The following AVP variants were observed in gnomAD, a reference collection of about 807,000 sequenced individuals.
AVP encodes the protein vasopressin-neurophysin 2-copeptin.
AVP carries 9 observed loss-of-function variants against 11.1 expected under a neutral mutation model. The observed-to-expected ratio is 0.81, with a 90% CI of 0.49 to 1.42. AVP has a LOEUF of 1.42. AVP is among the 40% of genes most tolerant of loss of function. AVP has a pLI of 0.00. For missense variants in AVP, 206 were observed against 238.5 expected, an observed-to-expected ratio of 0.86 and a Z score of 0.90; for synonymous variants, 106 against 111.3, an observed-to-expected ratio of 0.95 and a Z score of 0.30.
In AVP at chr20:3,082,631, C is replaced by T. The variant is rs2066115247; in HGVS notation, c.494G>A (p.Ter165=). The T allele has an allele frequency of 1.6e-6, 2 of 1,264,176 alleles. No homozygotes were observed. Among genetic ancestry groups the T allele is most frequent in the Non-Finnish European group, 2.0e-6 (2 of 1,008,112 alleles). 78.3% of individuals were successfully genotyped at this position (1,264,176 alleles called of 1,614,324 possible). A position where few individuals can be genotyped will look rare whatever the true frequency, so the allele number is the denominator to read the frequency against. The change falls in exon 3 of 3, where the codon TGA becomes TAA. Residue 165 remains the stop codon, a stop_retained_variant. Coordinates refer to ENST00000380293, the MANE Select transcript of AVP (RefSeq NM_000490.5). This position sits in a 1 kb window ranked among gnomAD's most constrained non-coding sequence, Gnocchi z 4.7. ...GCGCCGGTGGGGCGAGCGCGGGGCT[C>T]AGTAGGCGTCGGGCTGGGCGGGCTC... The part of the protein sequence containing the change: ...PFEPAQPDAY[*]
intron 1 of AVP, 115 bp downstream of exon 1, chr20:3,084,440 C>A: frequency 1.9e-6 from 3 of 1,566,848 alleles, no homozygotes; most frequent in Non-Finnish European, 2.6e-6. Context: ...CTTCCTCCCC[C>A]GAACTTCCCC....
Position 3,082,894 on chromosome 20 carries a change from C to CG in AVP, c.322+82_322+83insC. 1.1e-5 allele frequency: 11 copies of CG among 1,026,090 alleles called. No homozygotes were observed. Among genetic ancestry groups the CG allele is most frequent in the Non-Finnish European group, 1.4e-5 (11 of 805,484 alleles). The allele number at this position is 1,026,090 out of a possible 1,614,324, so 63.6% of individuals were successfully genotyped here. ...ACCCTCCCTGCCGGGCCCGACGCAG[C>CG]CCCCACCCCGCCGCAGGCCCGCGTC... is the stretch of plus-strand genomic sequence containing the variant. On this transcript the variant is annotated intron_variant, in intron 2 of 2. Transcript: ENST00000380293. This position sits in a 1 kb window ranked among gnomAD's most constrained non-coding sequence, Gnocchi z 4.7.
Position 3,082,962 on chromosome 20 carries a change from G to A in AVP, c.322+15C>T. ...CTGCGCCCCCCCCAGCCCCAGGCCC[G>A]CCCCCGCCGCGCACCGTCGTTGCAG... On this transcript the variant is annotated intron_variant, in intron 2 of 2. Transcript: ENST00000380293. The surrounding 1 kb of genome is among the most constrained non-coding windows in gnomAD (Gnocchi z 4.7). 1.6e-6 allele frequency: 1 copy of A among 620,460 alleles called. No homozygotes were observed. The highest frequency in any genetic ancestry group is 5.1e-5 in the Admixed American group (1 of 19,432). The allele number at this position is 620,460 out of a possible 1,614,324, so 38.4% of individuals were successfully genotyped here.
In AVP at chr20:3,082,772, T is replaced by G; in HGVS notation, c.353A>C (p.Glu118Ala). The change falls in exon 3 of 3, where the codon GAG (glutamate) becomes GCG (alanine). Residue 118 changes from glutamate (E) to alanine (A), a missense_variant. Glu to Ala is a moderately radical substitution (Grantham distance 107). Coordinates refer to ENST00000380293, the MANE Select transcript of AVP (RefSeq NM_000490.5). The surrounding 1 kb of genome is among the most constrained non-coding windows in gnomAD (Gnocchi z 4.7). ...GGCGCGGGCGCGGCGGTGAAAGCCC[T>G]CGCGGCACTCGGGCTCGGTCACGCA... is the stretch of plus-strand genomic sequence containing the variant. ...ESCVTEPECR[E>A]GFHRRARASD... 7.9e-7 allele frequency: 1 copy of G among 1,262,504 alleles called. No individual in the cohort carries two copies. Among genetic ancestry groups the G allele is most frequent in the Non-Finnish European group, 9.9e-7 (1 of 1,006,330 alleles). The allele number at this position is 1,262,504 out of a possible 1,614,324, so 78.2% of individuals were successfully genotyped here.
rs1392648926 is a variant in AVP, at chr20:3,083,693, C to T, written c.121-515G>A. ...TGCCCCTGGCCCCCGCCAAGCTTGT[C>T]GGCCTCAGCTGGAGCCCTGACCCCT... On this transcript the variant is annotated intron_variant, in intron 1 of 2. Transcript: ENST00000380293. The surrounding 1 kb of genome is among the most constrained non-coding windows in gnomAD (Gnocchi z 5.4). 1.3e-5 allele frequency among the ~76,000 whole-genome samples: 2 copies of T among 152,168 alleles called. No individual in the cohort carries two copies. Among genetic ancestry groups the T allele is most frequent in the African/African-American group, 4.8e-5 (2 of 41,446 alleles).
At position 3,084,684 on chromosome 20, in the gene AVP, C is replaced by T. The variant is rs756664789; in HGVS notation, c.-10G>A. 52 of 1,612,776 alleles carry T rather than the reference C, an allele frequency of 3.2e-5. 1 individual carries two copies. The highest frequency in any genetic ancestry group is 5.0e-5 in the Admixed American group (3 of 60,010). ...GCATGGTGTCAGGCATCCTGGTGCA[C>T]ACAGGTGGACCCCGTATGCAGCACT... On this transcript the variant is annotated 5_prime_UTR_variant, in exon 1 of 3. The change creates a new upstream start codon in the 5' untranslated region. Transcript: ENST00000380293.
In AVP at chr20:3,082,906, C is replaced by CCCCCGGG; in HGVS notation, c.322+70_322+71insCCCGGGG. ...GGGCCCGACGCAGCCCCCACCCCGC[C>CCCCCGGG]GCAGGCCCGCGTCCCCCCCACCCAA... On this transcript the variant is annotated intron_variant, in intron 2 of 2. Coordinates refer to ENST00000380293, the MANE Select transcript of AVP (RefSeq NM_000490.5). This position sits in a 1 kb window ranked among gnomAD's most constrained non-coding sequence, Gnocchi z 4.7. 1.4e-6 allele frequency: 1 copy of CCCCCGGG among 731,424 alleles called. No homozygotes were observed. The highest frequency in any genetic ancestry group is 1.8e-6 in the Non-Finnish European group (1 of 554,450). 45.3% of individuals were successfully genotyped at this position (731,424 alleles called of 1,614,324 possible).
Position 3,083,251 on chromosome 20 carries a change from C to T in AVP, c.121-73G>A. On this transcript the variant is annotated intron_variant, in intron 1 of 2. Transcript: ENST00000380293. This position sits in a 1 kb window ranked among gnomAD's most constrained non-coding sequence, Gnocchi z 5.4. The stretch of plus-strand genomic sequence containing the variant: ...GGGGTTGGAGGGGAACGCAGCGAGG[C>T]GGGGATGCTGGGGTCCAGGGCTCGG... 19 of 1,350,140 alleles carry T rather than the reference C, an allele frequency of 1.4e-5. No individual in the cohort carries two copies. Among genetic ancestry groups the T allele is most frequent in the Non-Finnish European group, 1.8e-5 (19 of 1,043,726 alleles). 83.6% of individuals were successfully genotyped at this position (1,350,140 alleles called of 1,614,324 possible). A position where few individuals can be genotyped will look rare whatever the true frequency, so the allele number is the denominator to read the frequency against.
At position 3,082,717 on chromosome 20, in the gene AVP, G is replaced by A. The variant is rs1380468503; in HGVS notation, c.408C>T (p.Asp136=). The A allele has an allele frequency of 2.3e-6, 3 of 1,291,770 alleles. No individual in the cohort carries two copies. The highest frequency in any genetic ancestry group is 2.0e-6 in the Non-Finnish European group (2 of 1,023,150). The allele number at this position is 1,291,770 out of a possible 1,614,324, so 80.0% of individuals were successfully genotyped here. A position where few individuals can be genotyped will look rare whatever the true frequency, so the allele number is the denominator to read the frequency against. ...ASDRSNATQL[D]GPAGALLLRL... ...GCAGCAGCAAGGCCCCGGCCGGCCCGTCCAGCTGCGTGGCGTTGCTCCGGT... is the reference window on the plus strand; with the variant it reads ...GCAGCAGCAAGGCCCCGGCCGGCCCATCCAGCTGCGTGGCGTTGCTCCGGT... Residue 136 remains aspartate, a synonymous_variant, in exon 3 of 3, where the codon GAC becomes GAT. Transcript: ENST00000380293. This position sits in a 1 kb window ranked among gnomAD's most constrained non-coding sequence, Gnocchi z 4.7.
rs1201283083 is a variant in AVP at position 3,082,977 on chromosome 20, C to T, written c.322G>A (p.Glu108Lys). The change falls in exon 2 of 3, where the codon GAG becomes AAG. Residue 108 changes from glutamate (E) to lysine (K), a missense_variant and splice_region_variant. This residue lies in a region of AVP where 106 missense variants were observed against 89.2 expected (regional missense o/e 1.19). Coordinates refer to ENST00000380293, the MANE Select transcript of AVP (RefSeq NM_000490.5). The surrounding 1 kb of genome is among the most constrained non-coding windows in gnomAD (Gnocchi z 4.7). ...CAAFGVCCND[E>K]SCVTEPECRE... ...CCCCAGGCCCGCCCCCGCCGCGCAC[C>T]GTCGTTGCAGCAAACGCCGAAGGCG... The T allele has an allele frequency of 6.7e-7, 1 of 1,484,996 alleles. No individual in the cohort carries two copies. The highest frequency in any genetic ancestry group is 8.9e-7 in the Non-Finnish European group (1 of 1,125,330). 92.0% of individuals were successfully genotyped at this position (1,484,996 alleles called of 1,614,324 possible). A position where few individuals can be genotyped will look rare whatever the true frequency, so the allele number is the denominator to read the frequency against.
Position 3,082,579 on chromosome 20 carries a change from C to A in AVP, c.*51G>T, listed in dbSNP as rs1176212115. 12 of 1,227,792 alleles carry A rather than the reference C, an allele frequency of 9.8e-6. No homozygotes were observed. The highest frequency in any genetic ancestry group is 1.1e-5 in the Non-Finnish European group (11 of 984,500). The allele number at this position is 1,227,792 out of a possible 1,614,324, so 76.1% of individuals were successfully genotyped here. ...CGTGCATTGGCGGAGGTTTATTGTC[C>A]GTGCTGCAGGGGCGGGCGCGAAGAG... is the stretch of plus-strand genomic sequence containing the variant. On this transcript the variant is annotated 3_prime_UTR_variant, in exon 3 of 3. Transcript: ENST00000380293. The surrounding 1 kb of genome is among the most constrained non-coding windows in gnomAD (Gnocchi z 4.7).
chr20:3,082,669 C>T lies in AVP; in HGVS notation c.456G>A (p.Ala152=), dbSNP rs1161409198. ...GCTGGGCGGGCTCGAAGGGCTCGGGCGCCCCGGCCAGCTGCACCAGCCGCA... is the reference window on the plus strand; with the variant it reads ...GCTGGGCGGGCTCGAAGGGCTCGGGTGCCCCGGCCAGCTGCACCAGCCGCA... ...LLLRLVQLAG[A]PEPFEPAQPD... is the part of the protein sequence containing the mutation. The change falls in exon 3 of 3, where the codon GCG becomes GCA. Residue 152 remains alanine, a synonymous_variant. Transcript: ENST00000380293. The surrounding 1 kb of genome is among the most constrained non-coding windows in gnomAD (Gnocchi z 4.7). 2 of 1,283,830 alleles carry T rather than the reference C, an allele frequency of 1.6e-6. No homozygotes were observed. The highest frequency in any genetic ancestry group is 2.6e-5 in the South Asian group (1 of 38,344). The allele number at this position is 1,283,830 out of a possible 1,614,324, so 79.5% of individuals were successfully genotyped here. A position where few individuals can be genotyped will look rare whatever the true frequency, so the allele number is the denominator to read the frequency against.
intron 1 of AVP, among the ~76,000 whole-genome samples, chr20:3,084,088 G>A (rs1021024695): frequency 6.6e-6 from 1 of 152,214 alleles, no homozygotes; most frequent in Non-Finnish European, 1.5e-5. Context: ...ACTCAAGCGC[G>A]CTCAGACCAG....
chr20:3,082,810 G>A lies in AVP; in HGVS notation c.323-8C>T. On this transcript the variant is annotated splice_region_variant and splice_polypyrimidine_tract_variant and intron_variant, in intron 2 of 2. Transcript: ENST00000380293. This position sits in a 1 kb window ranked among gnomAD's most constrained non-coding sequence, Gnocchi z 4.7. ...GCTCGGTCACGCAGCTCTCTGCCGG[G>A]AGGACGTGTGAGCACGGGCGCCCTG... 1 of 1,236,478 alleles carries A rather than the reference G, an allele frequency of 8.1e-7. No individual in the cohort carries two copies. Among genetic ancestry groups the A allele is most frequent in the Non-Finnish European group, 1.0e-6 (1 of 991,590 alleles). 76.6% of individuals were successfully genotyped at this position (1,236,478 alleles called of 1,614,324 possible). A position where few individuals can be genotyped will look rare whatever the true frequency, so the allele number is the denominator to read the frequency against.
chr20:3,082,980 C>G lies in AVP; in HGVS notation c.319G>C (p.Asp107His). 4.0e-6 allele frequency: 6 copies of G among 1,492,700 alleles called. No individual in the cohort carries two copies. Among genetic ancestry groups the G allele is most frequent in the East Asian group, 2.8e-5 (1 of 35,824 alleles). 92.5% of individuals were successfully genotyped at this position (1,492,700 alleles called of 1,614,324 possible). The change falls in exon 2 of 3, where the codon GAC becomes CAC. Residue 107 changes from aspartate to histidine, a missense_variant. This residue lies in a region of AVP where 106 missense variants were observed against 89.2 expected (regional missense o/e 1.19). Transcript: ENST00000380293. This position sits in a 1 kb window ranked among gnomAD's most constrained non-coding sequence, Gnocchi z 4.7. ...RCAAFGVCCN[D>H]ESCVTEPECR... ...CAGGCCCGCCCCCGCCGCGCACCGT[C>G]GTTGCAGCAAACGCCGAAGGCGGCG...
In AVP at chr20:3,084,698, G is replaced by A. The variant is rs758211093; in HGVS notation, c.-24C>T. 1.2e-6 allele frequency: 2 copies of A among 1,611,998 alleles called. No individual in the cohort carries two copies. The highest frequency in any genetic ancestry group is 8.5e-7 in the Non-Finnish European group (1 of 1,179,970). On this transcript the variant is annotated 5_prime_UTR_variant, in exon 1 of 3. In the 5' UTR this introduces an upstream ATG that the reference lacks. Transcript: ENST00000380293. ...ATCCTGGTGCACACAGGTGGACCCCGTATGCAGCACTGCTTGGTGGCTCTG... is the reference window on the plus strand; with the variant it reads ...ATCCTGGTGCACACAGGTGGACCCCATATGCAGCACTGCTTGGTGGCTCTG...
In AVP at chr20:3,083,229, G is replaced by C. The variant is rs573873232; in HGVS notation, c.121-51C>G. On this transcript the variant is annotated intron_variant, in intron 1 of 2. Coordinates refer to ENST00000380293, the MANE Select transcript of AVP (RefSeq NM_000490.5). This position sits in a 1 kb window ranked among gnomAD's most constrained non-coding sequence, Gnocchi z 5.4. ...GAGGAGGGGAGCCGGGAGTCGAGGG[G>C]TTGGAGGGGAACGCAGCGAGGCGGG... 1.4e-3 allele frequency: 1,966 copies of C among 1,407,962 alleles called. 2 individuals are homozygous for C. The highest frequency in any genetic ancestry group is 1.7e-3 in the Non-Finnish European group (1,823 of 1,079,116). The allele number at this position is 1,407,962 out of a possible 1,614,324, so 87.2% of individuals were successfully genotyped here.
At chr20:3,084,463 C>T in intron 1 of AVP, 92 bp downstream of exon 1, 1 of 1,599,136 alleles carries the variant, frequency 6.3e-7, no homozygotes, top group Non-Finnish European at 8.5e-7. Flanking sequence ...AAGGCTACCA[C>T]CACCCATGAC....
chr20:3,084,504 G>A, intron 1 of AVP, 51 bp downstream of exon 1: 1 of 1,612,160 alleles, frequency 6.2e-7, no homozygotes, highest in South Asian at 1.1e-5. Flanking sequence ...GACCCAGGGT[G>A]TCAGCACTGC....
Sources: allele counts gnomAD v4.1 joint callset (sites outside exome capture counted in the v4.1 genomes callset), GRCh38; gene constraint gnomAD v4.1.1; regional missense constraint gnomAD v4.1.1; non-coding constraint Gnocchi (gnomAD v3.1); transcripts MANE v1.5; gene names NCBI Gene and HGNC (gene_info 2026-07-23, HGNC 2026-07-21).